The following ERN1 variants were observed in gnomAD, a reference collection of about 807,000 sequenced individuals.
ERN1 encodes endoplasmic reticulum to nucleus signaling 1, also known as serine/threonine-protein kinase/endoribonuclease IRE1.
In ERN1, 39 loss-of-function variants were observed where a neutral mutation model predicts 113.1. The observed-to-expected ratio is 0.34, with a 90% CI of 0.27 to 0.45. The LOEUF (loss-of-function observed/expected upper bound fraction) is 0.45, where lower values mean the gene tolerates loss of function less well. Among genes scored for constraint, ERN1 ranks in the 20% least tolerant of loss-of-function variants. The probability of loss-of-function intolerance (pLI) is 1.00; values close to 1 mark genes in which losing one functional copy is unlikely to be tolerated. For synonymous variants in ERN1, 507 were observed against 515.9 expected (o/e 0.98, Z 0.23); for missense variants, 976 against 1,274.8 (o/e 0.77, Z 3.57).
intron 1 of ERN1, among the ~76,000 whole-genome samples, chr17:64,114,601 T>C (rs1476402610): frequency 6.6e-6 from 1 of 152,174 alleles, no homozygotes; most frequent in African/African-American, 2.4e-5. Context: ...AGTCCCAGAA[T>C]GGCGTGGGCC....
At chr17:64,078,888 C>T (rs756994617) in intron 4 of ERN1, among the ~76,000 whole-genome samples, 1 of 152,106 alleles carries the variant, frequency 6.6e-6, no homozygotes, top group Non-Finnish European at 1.5e-5. Flanking sequence ...CACCTGTGGT[C>T]CCAGCTACTC....
chr17:64,113,846 C>T (rs185160368), intron 1 of ERN1, among the ~76,000 whole-genome samples: 9 of 152,120 alleles, frequency 5.9e-5, no homozygotes, highest in Admixed American at 5.9e-4. Flanking sequence ...CCATGCCCGG[C>T]TAATTTTTGT....
chr17:64,061,765 G>A (rs993700592), intron 10 of ERN1, among the ~76,000 whole-genome samples: 15 of 152,180 alleles, frequency 9.9e-5, no homozygotes, highest in African/African-American at 3.1e-4. Flanking sequence ...GAGTATGTGC[G>A]GGTAACTCTG....
intron 4 of ERN1, among the ~76,000 whole-genome samples, chr17:64,078,235 C>T (rs995594435): frequency 6.6e-6 from 1 of 152,198 alleles, no homozygotes; most frequent in African/African-American, 2.4e-5. Context: ...TGGTGAGTAG[C>T]AGTATGGCAC....
chr17:64,060,743 A>G (rs1432253119), intron 10 of ERN1, among the ~76,000 whole-genome samples, 156 bp from the exon 11 acceptor site: 1 of 152,224 alleles, frequency 6.6e-6, no homozygotes, highest in African/African-American at 2.4e-5. Context: ...CAGTTACCAG[A>G]AAATTCCATC....
intron 1 of ERN1, among the ~76,000 whole-genome samples, chr17:64,108,921 G>A (rs946363491): frequency 3.3e-5 from 5 of 152,038 alleles, no homozygotes; most frequent in African/African-American, 1.2e-4. Context: ...TCAGGAGTTC[G>A]CGACCAGCCT....
intron 5 of ERN1, 37 bp from the exon 6 acceptor site, chr17:64,072,140 T>C: frequency 1.2e-6 from 2 of 1,607,534 alleles, no homozygotes; most frequent in Non-Finnish European, 8.5e-7. Context: ...GTTTACACCA[T>C]ATGGAAAAAA....
chr17:64,091,582 C>T (rs1336733685), intron 2 of ERN1, among the ~76,000 whole-genome samples: 1 of 152,152 alleles, frequency 6.6e-6, no homozygotes, highest in African/African-American at 2.4e-5. Context: ...ATGGGCTCAC[C>T]CTGCTTGAGA....
Position 64,054,532 on chromosome 17 carries a change from C to T in ERN1, c.1764-93G>A. 1.6e-6 allele frequency: 2 copies of T among 1,277,184 alleles called. No individual in the cohort carries two copies. Among genetic ancestry groups the T allele is most frequent in the Non-Finnish European group, 2.2e-6 (2 of 922,206 alleles). The allele number at this position is 1,277,184 out of a possible 1,614,324, so 79.1% of individuals were successfully genotyped here. A position where few individuals can be genotyped will look rare whatever the true frequency, so the allele number is the denominator to read the frequency against. ...CTGGGTCCACAGCATTCACCTACTGCCTCCCAGCCTAGAGAGCCCCGCCTG... is the reference window on the plus strand; with the variant it reads ...CTGGGTCCACAGCATTCACCTACTGTCTCCCAGCCTAGAGAGCCCCGCCTG... On this transcript the variant is annotated intron_variant, in intron 14 of 21. Coordinates refer to ENST00000433197, the MANE Select transcript of ERN1 (RefSeq NM_001433.5). The surrounding 1 kb of genome is among the most constrained non-coding windows in gnomAD (Gnocchi z 4.9).
At chr17:64,108,968 C>CA (rs1567883997) in intron 1 of ERN1, among the ~76,000 whole-genome samples, 1 of 151,940 alleles carries the variant, frequency 6.6e-6, no homozygotes, top group South Asian at 2.1e-4. Context: ...ACTAAAAACA[C>CA]AAAAAATTAG....
intron 6 of ERN1, among the ~76,000 whole-genome samples, chr17:64,069,252 C>A (rs544114416): frequency 1.1e-4 from 16 of 152,074 alleles, no homozygotes; most frequent in Non-Finnish European, 1.8e-4. Context: ...ATTCCAAAGT[C>A]TAGAAACTTG....
At chr17:64,128,307 G>A (rs145694627) in intron 1 of ERN1, among the ~76,000 whole-genome samples, 5 of 151,972 alleles carry the variant, frequency 3.3e-5, no homozygotes, top group South Asian at 4.1e-4. Flanking sequence ...CACCGGGCCC[G>A]GCCTGACCTT....
intron 20 of ERN1, 35 bp downstream of exon 20, chr17:64,045,324 G>T: frequency 6.2e-7 from 1 of 1,612,578 alleles, no homozygotes; most frequent in Non-Finnish European, 8.5e-7. Flanking sequence ...AGCGACTTTT[G>T]CAACCTGCCC....
intron 1 of ERN1, among the ~76,000 whole-genome samples, chr17:64,121,610 C>T (rs909068485): frequency 2.0e-5 from 3 of 152,188 alleles, no homozygotes; most frequent in African/African-American, 4.8e-5. Flanking sequence ...CTGCCTCAGC[C>T]TCATGAGTAG....
rs185294916 is a variant in ERN1, at chr17:64,092,561, A to G, written c.175+5560T>C. On this transcript the variant is annotated intron_variant, in intron 2 of 21. Transcript: ENST00000433197. Reference sequence around the variant, plus strand: ...CTCCGGAGTCTGGGCCCAGCTGGCTAGGAGAGTAGTCATATTGCATATTTA... The same window carrying G: ...CTCCGGAGTCTGGGCCCAGCTGGCTGGGAGAGTAGTCATATTGCATATTTA... 4.2e-4 allele frequency among the ~76,000 whole-genome samples: 64 copies of G among 152,220 alleles called. 1 individual carries two copies. Among genetic ancestry groups the G allele is most frequent in the African/African-American group, 1.4e-3 (59 of 41,538 alleles).
intron 1 of ERN1, among the ~76,000 whole-genome samples, chr17:64,099,875 C>G (rs1164480205): frequency 6.6e-6 from 1 of 152,080 alleles, no homozygotes; most frequent in Non-Finnish European, 1.5e-5. Flanking sequence ...TTGCCCAGGG[C>G]CAGGGCCTGG....
In ERN1 at chr17:64,047,986, C is replaced by T; in HGVS notation, c.2402-1G>A. ...ATCAATTCACGTGCAATGACGTCTT[C>T]TATAAAGGAGGAAAATAAGCAACTC... On this transcript the variant is annotated splice_acceptor_variant, in intron 18 of 21. Transcript: ENST00000433197. LOFTEE classifies it high-confidence loss of function. 1 of 1,604,800 alleles carries T rather than the reference C, an allele frequency of 6.2e-7. No homozygotes were observed. Among genetic ancestry groups the T allele is most frequent in the South Asian group, 1.1e-5 (1 of 90,068 alleles).
intron 1 of ERN1, among the ~76,000 whole-genome samples, chr17:64,108,449 G>A (rs1598084923): frequency 6.6e-6 from 1 of 152,238 alleles, no homozygotes. Flanking sequence ...TTTCCCTGAC[G>A]TGGTTAGGAA....
chr17:64,082,067 T>C (rs908067696), intron 2 of ERN1, among the ~76,000 whole-genome samples: 1 of 152,230 alleles, frequency 6.6e-6, no homozygotes, highest in Non-Finnish European at 1.5e-5. Context: ...GCTCTGCTTA[T>C]GGTGACAGAC....
Sources: gnomAD v4.1 joint callset for allele counts (sites outside exome capture counted in the v4.1 genomes callset) on GRCh38, gnomAD v4.1.1 for gene constraint, Gnocchi (gnomAD v3.1) non-coding constraint, MANE v1.5 for transcripts, NCBI Gene and HGNC (gene_info 2026-07-23, HGNC 2026-07-21) for gene names.